The following ANKRD6 variants were observed in gnomAD, a reference collection of about 807,000 sequenced individuals.
ANKRD6 encodes the protein ankyrin repeat domain 6.
A neutral mutation model predicts 82.3 loss-of-function variants in ANKRD6; 56 were observed. That is an observed-to-expected ratio of 0.68 (90% confidence interval 0.55 to 0.85). ANKRD6 has a LOEUF of 0.85. Among genes scored for constraint, ANKRD6 ranks in the 40% least tolerant of loss-of-function variants. ANKRD6 has a pLI of 0.00. For synonymous variants in ANKRD6, 347 were observed against 352.1 expected (o/e 0.99, Z 0.16); for missense variants, 852 against 907.6 (o/e 0.94, Z 0.79).
chr6:89,480,338 G>C (rs895032469), intron 1 of ANKRD6, among the ~76,000 whole-genome samples: 1 of 152,204 alleles, frequency 6.6e-6, no homozygotes, highest in African/African-American at 2.4e-5. Flanking sequence ...GAGAACTGCA[G>C]TTATGGTGAC....
chr6:89,539,295 A>G (rs1259554190), intron 1 of ANKRD6, among the ~76,000 whole-genome samples: 2 of 152,172 alleles, frequency 1.3e-5, no homozygotes, highest in East Asian at 1.9e-4. Flanking sequence ...TTTCATTTAC[A>G]TAAGCATACC....
At chr6:89,499,801 T>C (rs895409295) in intron 1 of ANKRD6, among the ~76,000 whole-genome samples, 1 of 152,166 alleles carries the variant, frequency 6.6e-6, no homozygotes, top group Non-Finnish European at 1.5e-5. Flanking sequence ...CTTTCCCTGC[T>C]GCTCCTCAGT....
intron 1 of ANKRD6, among the ~76,000 whole-genome samples, chr6:89,515,940 C>G (rs574340324): frequency 4.2e-4 from 64 of 152,266 alleles, no homozygotes; most frequent in African/African-American, 1.4e-3. Context: ...GTGTTGTGGC[C>G]TGAACCAAGG....
chr6:89,524,069 C>CAGGAA (rs1782178875), intron 1 of ANKRD6, among the ~76,000 whole-genome samples: 1 of 152,086 alleles, frequency 6.6e-6, no homozygotes, highest in Non-Finnish European at 1.5e-5. Context: ...TAACCTTTGG[C>CAGGAA]AGGAAAGGAA....
In ANKRD6 at chr6:89,630,468, G is replaced by T. The variant is rs9362667; in HGVS notation, c.1648G>T (p.Ala550Ser). The part of the protein sequence containing the change: ...DQLVVTAGPA[A>S]ASDSSPPVVR... ...ATTAGTGGTGACTGCAGGTCCAGCA[G>T]CAGCTTCCGACAGCTCCCCTCCAGT... The change falls in exon 16 of 16, where the codon GCA becomes TCA. Residue 550 changes from alanine (A) to serine (S), a missense_variant. Physicochemically the swap from Ala to Ser is moderately conservative, Grantham distance 99. Transcript: ENST00000339746. 5 of 1,613,546 alleles carry T rather than the reference G, an allele frequency of 3.1e-6. No homozygotes were observed. Among genetic ancestry groups the T allele is most frequent in the Non-Finnish European group, 4.2e-6 (5 of 1,179,720 alleles).
intron 2 of ANKRD6, among the ~76,000 whole-genome samples, chr6:89,587,320 C>A (rs1009156564): frequency 2.6e-5 from 4 of 151,932 alleles, no homozygotes; most frequent in African/African-American, 4.8e-5. Context: ...GAAACCCTGT[C>A]TCTACTAAAA....
At chr6:89,520,406 T>G (rs1781751478) in intron 1 of ANKRD6, among the ~76,000 whole-genome samples, 1 of 152,188 alleles carries the variant, frequency 6.6e-6, no homozygotes, top group Non-Finnish European at 1.5e-5. Flanking sequence ...TGCAAATGGG[T>G]CAGCATCACA....
chr6:89,560,443 A>G (rs911525855), intron 1 of ANKRD6, among the ~76,000 whole-genome samples: 5 of 152,140 alleles, frequency 3.3e-5, no homozygotes, highest in East Asian at 1.9e-4. Context: ...ATTATCTCCT[A>G]TTTCCAAATA....
At chr6:89,442,933 G>C (rs1317506166) in intron 1 of ANKRD6, among the ~76,000 whole-genome samples, 1 of 152,106 alleles carries the variant, frequency 6.6e-6, no homozygotes, top group Non-Finnish European at 1.5e-5. Flanking sequence ...GGGACTAGAG[G>C]GGGTAAGATC....
At chr6:89,464,000 G>A (rs962138734) in intron 1 of ANKRD6, among the ~76,000 whole-genome samples, 10 of 152,146 alleles carry the variant, frequency 6.6e-5, no homozygotes, top group South Asian at 4.1e-4. Context: ...GTATATCTGC[G>A]TACTGGACAT....
intron 1 of ANKRD6, among the ~76,000 whole-genome samples, chr6:89,488,604 C>A (rs960200302): frequency 6.6e-6 from 1 of 152,156 alleles, no homozygotes; most frequent in African/African-American, 2.4e-5. Flanking sequence ...TTTTAGGCCC[C>A]CAGAGCTATG....
chr6:89,536,837 A>G (rs1442031420), intron 1 of ANKRD6, among the ~76,000 whole-genome samples: 1 of 152,192 alleles, frequency 6.6e-6, no homozygotes, highest in Non-Finnish European at 1.5e-5. Context: ...CTCATCTGGA[A>G]GTGATTATGA....
At chr6:89,453,389 G>A (rs1006254478) in intron 1 of ANKRD6, among the ~76,000 whole-genome samples, 11 of 152,126 alleles carry the variant, frequency 7.2e-5, no homozygotes, top group African/African-American at 2.7e-4. Flanking sequence ...TAGAATAAAA[G>A]GTTTTATTTC....
chr6:89,624,151 C>G, intron 12 of ANKRD6, 94 bp downstream of exon 12: 1 of 1,366,652 alleles, frequency 7.3e-7, no homozygotes, highest in South Asian at 1.5e-5. Flanking sequence ...GCACTTTAGG[C>G]ATTGACTTAG....
At chr6:89,578,313 G>GGAAACAGA (rs1791648240) in intron 2 of ANKRD6, among the ~76,000 whole-genome samples, 1 of 31,300 alleles carries the variant, frequency 3.2e-5, no homozygotes, top group Non-Finnish European at 6.5e-5. Context: ...TTTTTTTTTT[G>GGAAACAGA]GAAACAGAGT....
chr6:89,548,416 G>A (rs1050037668), intron 1 of ANKRD6, among the ~76,000 whole-genome samples: 4 of 152,094 alleles, frequency 2.6e-5, no homozygotes, highest in East Asian at 1.9e-4. Context: ...ACTACATTTT[G>A]TTTATCAGTT....
At chr6:89,434,122 CGGGCCCGTGAGATGGAGT>C (rs1398296068) in intron 1 of ANKRD6, among the ~76,000 whole-genome samples, 1 of 152,146 alleles carries the variant, frequency 6.6e-6, no homozygotes, top group Admixed American at 6.5e-5. Context: ...AGAGCCACTT[CGGGCCCGTGAGATGGAGT>C]TCTGACTCCA....
At chr6:89,550,149 A>G (rs915267867) in intron 1 of ANKRD6, among the ~76,000 whole-genome samples, 3 of 152,132 alleles carry the variant, frequency 2.0e-5, no homozygotes, top group African/African-American at 7.2e-5. Context: ...ATGCATACCT[A>G]TGACCTAGTA....
At chr6:89,497,108 G>A (rs891276302) in intron 1 of ANKRD6, among the ~76,000 whole-genome samples, 1 of 152,044 alleles carries the variant, frequency 6.6e-6, no homozygotes, top group Non-Finnish European at 1.5e-5. Flanking sequence ...TATCAGGTAG[G>A]TTTGATCTGA....
Sources: gnomAD v4.1 joint callset for allele counts (sites outside exome capture counted in the v4.1 genomes callset) on GRCh38, gnomAD v4.1.1 for gene constraint, MANE v1.5 for transcripts, NCBI Gene and HGNC (gene_info 2026-07-23, HGNC 2026-07-21) for gene names.